WASF3: variants seen among roughly 807,000 people sequenced by gnomAD.
WASF3 encodes WASP family member 3, also known as actin-binding protein WASF3.
A neutral mutation model predicts 46.6 loss-of-function variants in WASF3; 11 were observed. The ratio of observed to expected loss-of-function variants is 0.24; its 90% CI spans 0.15 to 0.39. The LOEUF is 0.39. Ranked by LOEUF, WASF3 falls within the 10% of genes least tolerant of loss-of-function variation. The pLI is 1.00. For missense variants in WASF3, 576 were observed against 669.8 expected (o/e 0.86, Z 1.55); for synonymous variants, 242 against 259.7 (o/e 0.93, Z 0.65).
In WASF3 at chr13:26,681,209, C is replaced by T. The variant is rs1487299412; in HGVS notation, c.872C>T (p.Ala291Val). The T allele has an allele frequency of 3.7e-6, 6 of 1,614,084 alleles. No homozygotes were observed. Among genetic ancestry groups the T allele is most frequent in the Non-Finnish European group, 5.1e-6 (6 of 1,180,018 alleles). The change falls in exon 8 of 10, where the codon GCC becomes GTC. Residue 291 changes from alanine to valine, a missense_variant. Coordinates refer to ENST00000335327, the MANE Select transcript of WASF3 (RefSeq NM_006646.6). Reference protein sequence around the residue: ...AAEHEYRPPSASARHMALNRP... With the variant: ...AAEHEYRPPSVSARHMALNRP... ...GAGCATGAGTACCGGCCCCCATCTGCCTCGGCGAGGCACATGGCCCTCAAC... is the reference window on the plus strand; with the variant it reads ...GAGCATGAGTACCGGCCCCCATCTGTCTCGGCGAGGCACATGGCCCTCAAC...
intron 3 of WASF3, among the ~76,000 whole-genome samples, chr13:26,660,868 C>T (rs151268843): frequency 1.2e-4 from 18 of 152,196 alleles, no homozygotes; most frequent in East Asian, 7.7e-4. Context: ...AAGCATAGCA[C>T]GAGCATCTGC....
intron 1 of WASF3, among the ~76,000 whole-genome samples, chr13:26,560,721 A>T (rs761585603): frequency 3.3e-5 from 5 of 152,190 alleles, no homozygotes; most frequent in Non-Finnish European, 5.9e-5. Flanking sequence ...TGCTTTATTC[A>T]TTCAGTACAC....
intron 2 of WASF3, among the ~76,000 whole-genome samples, chr13:26,616,946 C>T (rs541342334): frequency 7.2e-5 from 11 of 152,108 alleles, no homozygotes; most frequent in South Asian, 2.1e-4. Flanking sequence ...AAAATGCTGG[C>T]GACAATTCAC....
At chr13:26,659,978 G>A (rs909767117) in intron 3 of WASF3, among the ~76,000 whole-genome samples, 2 of 152,124 alleles carry the variant, frequency 1.3e-5, no homozygotes, top group African/African-American at 4.8e-5. Flanking sequence ...AGGCCCATCT[G>A]GAGGTAGAAA....
chr13:26,573,759 T>C (rs1049031815), intron 1 of WASF3, among the ~76,000 whole-genome samples: 1 of 152,178 alleles, frequency 6.6e-6, no homozygotes, highest in African/African-American at 2.4e-5. Flanking sequence ...CAAAATGAAT[T>C]CATCCATGAA....
rs147906555 is a variant in WASF3, at chr13:26,632,807, T to A, written c.-10-9454T>A. On this transcript the variant is annotated intron_variant, in intron 2 of 9. Transcript: ENST00000335327. ...GCTGTGAATCTGTCTGGTCCTGGAC[T>A]TTTTTTGGTGGGTAGGCTATTAATT... Among the ~76,000 whole-genome samples the A allele has an allele frequency of 8.9e-3, 1,356 of 152,222 alleles. 10 individuals are homozygous for A. Among genetic ancestry groups the A allele is most frequent in the Non-Finnish European group, 0.015 (1,053 of 68,012 alleles).
rs115866638 is a variant in WASF3, at chr13:26,598,451, G to A, written c.-108-14510G>A. Among the ~76,000 whole-genome samples the A allele has an allele frequency of 5.4e-3, 818 of 152,244 alleles. 11 individuals carry two copies. The highest frequency in any genetic ancestry group is 0.019 in the African/African-American group (781 of 41,544). ...TGGTAGTTCCTTTTGCTGTGCAGAA[G>A]CTCTTCGGCCCGATGATTTTTTATT... On this transcript the variant is annotated intron_variant, in intron 1 of 9. Coordinates refer to ENST00000335327, the MANE Select transcript of WASF3 (RefSeq NM_006646.6).
Position 26,578,575 on chromosome 13 carries a change from G to A in WASF3, c.-109+20756G>A, listed in dbSNP as rs573758831. Among the ~76,000 whole-genome samples, 10 of 152,214 alleles carry A rather than the reference G, an allele frequency of 6.6e-5. No homozygotes were observed. In the South Asian group the frequency reaches 1.9e-3, roughly 28 times the overall value. On this transcript the variant is annotated intron_variant, in intron 1 of 9. Transcript: ENST00000335327. ...TGTGAATAAGTTCCCATTCACATTTGTTTTCTTTAACCAATTCACAAGAAG... is the reference window on the plus strand; with the variant it reads ...TGTGAATAAGTTCCCATTCACATTTATTTTCTTTAACCAATTCACAAGAAG...
At chr13:26,561,645 A>G (rs915102797) in intron 1 of WASF3, among the ~76,000 whole-genome samples, 2 of 152,198 alleles carry the variant, frequency 1.3e-5, no homozygotes, top group African/African-American at 4.8e-5. Context: ...GCTACAGCAA[A>G]CAGGGAGACT....
chr13:26,582,186 G>A (rs1879998574), intron 1 of WASF3, among the ~76,000 whole-genome samples: 1 of 152,144 alleles, frequency 6.6e-6, no homozygotes. Context: ...GATGGTTCCT[G>A]ACTATACCTA....
chr13:26,611,881 A>T (rs1032376835), intron 1 of WASF3, among the ~76,000 whole-genome samples: 1 of 150,978 alleles, frequency 6.6e-6, no homozygotes, highest in East Asian at 1.9e-4. Flanking sequence ...GGTCTTAACT[A>T]TGTGAGTTCT....
chr13:26,612,032 T>TCCCA (rs1263114258), intron 1 of WASF3, among the ~76,000 whole-genome samples: 1 of 152,148 alleles, frequency 6.6e-6, no homozygotes, highest in African/African-American at 2.4e-5. Flanking sequence ...GCTTGATGCC[T>TCCCA]CCCACCCTTG....
intron 1 of WASF3, among the ~76,000 whole-genome samples, chr13:26,573,859 T>G (rs1432840949): frequency 6.6e-5 from 10 of 152,194 alleles, no homozygotes; most frequent in Non-Finnish European, 1.5e-4. Flanking sequence ...ACCACTAAGT[T>G]GACTTCTAAT....
At position 26,652,509 on chromosome 13, in the gene WASF3, C is replaced by A. The variant is rs550893240; in HGVS notation, c.133+10106C>A. Among the ~76,000 whole-genome samples, 3 of 152,280 alleles carry A rather than the reference C, an allele frequency of 2.0e-5. No homozygotes were observed. The South Asian group carries it at 6.2e-4, about 32-fold the overall frequency. On this transcript the variant is annotated intron_variant, in intron 3 of 9. Coordinates refer to ENST00000335327, the MANE Select transcript of WASF3 (RefSeq NM_006646.6). The stretch of plus-strand genomic sequence containing the variant: ...TAGGGGGTTTGAACAATATACCAGC[C>A]AGTCTGACTTAATTCATCTTTGTAT...
At chr13:26,653,755 CTGA>C (rs1882387355) in intron 3 of WASF3, among the ~76,000 whole-genome samples, 1 of 152,208 alleles carries the variant, frequency 6.6e-6, no homozygotes, top group Non-Finnish European at 1.5e-5. Flanking sequence ...CATCTTTATG[CTGA>C]TGATGTTCAA....
rs1300663022 is a variant in WASF3 at position 26,682,255 on chromosome 13, C to G, written c.984-352C>G. Among the ~76,000 whole-genome samples, 2 of 152,212 alleles carry G rather than the reference C, an allele frequency of 1.3e-5. No homozygotes were observed. The highest frequency in any genetic ancestry group is 4.8e-5 in the African/African-American group (2 of 41,460). On this transcript the variant is annotated intron_variant, in intron 8 of 9. Transcript: ENST00000335327. This position sits in a 1 kb window ranked among gnomAD's most constrained non-coding sequence, Gnocchi z 4.4. ...GGTTGACCTTAGGACCCTTAAAAGA[C>G]AAGTTTGTGAGCTACCGCCTTGAGA...
At position 26,685,752 on chromosome 13, in the gene WASF3, T is replaced by A; in HGVS notation, c.1416T>A (p.Asn472Lys). ...EQEAKREPVG[N>K]DVATILSRRI... ...AGGCCAAGCGGGAGCCAGTGGGGAA[T>A]GACGTGGCCACGATCCTGTCCCGGC... The change falls in exon 10 of 10, where the codon AAT becomes AAA. Residue 472 changes from asparagine (N) to lysine (K), a missense_variant. Coordinates refer to ENST00000335327, the MANE Select transcript of WASF3 (RefSeq NM_006646.6). The A allele has an allele frequency of 6.2e-7, 1 of 1,614,178 alleles. No homozygotes were observed. The highest frequency in any genetic ancestry group is 2.2e-5 in the East Asian group (1 of 44,860).
chr13:26,685,823 A>C lies in WASF3; in HGVS notation c.1487A>C (p.Asp496Ala). 6.2e-7 allele frequency: 1 copy of C among 1,613,898 alleles called. No individual in the cohort carries two copies. Among genetic ancestry groups the C allele is most frequent in the Non-Finnish European group, 8.5e-7 (1 of 1,179,732 alleles). ...YSDSDDDSEF[D>A]ENDWSD Reference sequence around the variant, plus strand: ...GACTCTGACGACGACTCAGAGTTCGACGAGAACGACTGGTCCGACTGAGCA... The same window carrying C: ...GACTCTGACGACGACTCAGAGTTCGCCGAGAACGACTGGTCCGACTGAGCA... Residue 496 changes from aspartate (D) to alanine (A), a missense_variant, in exon 10 of 10, where the codon GAC (aspartate) becomes GCC (alanine). By Grantham distance (126) the Asp-to-Ala change is moderately radical. Transcript: ENST00000335327.
chr13:26,645,332 C>T (rs932916065), intron 3 of WASF3, among the ~76,000 whole-genome samples: 1 of 152,158 alleles, frequency 6.6e-6, no homozygotes, highest in African/African-American at 2.4e-5. Flanking sequence ...AATCTGCTGG[C>T]ACCTTGACTT....
Sources: gnomAD v4.1 joint callset for allele counts (sites outside exome capture counted in the v4.1 genomes callset) on GRCh38, gnomAD v4.1.1 for gene constraint, Gnocchi (gnomAD v3.1) non-coding constraint, MANE v1.5 for transcripts, NCBI Gene and HGNC (gene_info 2026-07-23, HGNC 2026-07-21) for gene names.